The following RNF144A variants were observed in gnomAD, a reference collection of about 807,000 sequenced individuals.
The protein encoded by RNF144A is E3 ubiquitin-protein ligase RNF144A.
RNF144A carries 11 observed loss-of-function variants against 38.7 expected under a neutral mutation model. The observed-to-expected ratio is 0.28, with a 90% CI of 0.18 to 0.47. The LOEUF (loss-of-function observed/expected upper bound fraction) is 0.47, where lower values mean the gene tolerates loss of function less well. Ranked by LOEUF, RNF144A falls within the 20% of genes least tolerant of loss-of-function variation. The probability of loss-of-function intolerance (pLI) is 0.99; values close to 1 mark genes in which losing one functional copy is unlikely to be tolerated. For missense variants in RNF144A, 316 were observed against 377.2 expected (o/e 0.84, Z 1.34); for synonymous variants, 149 against 143.9 (o/e 1.04, Z -0.25).
intron 6 of RNF144A, chr2:7,068,186 AG>A (rs1302321349): frequency 1.8e-6 from 2 of 1,129,052 alleles, no homozygotes; most frequent in South Asian, 2.6e-5. Flanking sequence ...TGCTTTAACA[AG>A]TATCAGTGAG....
intron 1 of RNF144A, among the ~76,000 whole-genome samples, chr2:6,937,137 C>A (rs374947284): frequency 1.3e-5 from 2 of 152,134 alleles, no homozygotes; most frequent in African/African-American, 4.8e-5. Flanking sequence ...CACTCCATAC[C>A]GGTGTGGCTT....
At chr2:6,980,242 A>G (rs1056688963) in intron 2 of RNF144A, among the ~76,000 whole-genome samples, 1 of 152,196 alleles carries the variant, frequency 6.6e-6, no homozygotes, top group African/African-American at 2.4e-5. Flanking sequence ...TTTCAAAACC[A>G]ATCATGCTCT....
intron 1 of RNF144A, among the ~76,000 whole-genome samples, chr2:6,932,508 A>G (rs1044752288): frequency 6.6e-6 from 1 of 152,174 alleles, no homozygotes; most frequent in South Asian, 2.1e-4. Flanking sequence ...ACAAAATTAC[A>G]TAGCCAAAGG....
At position 6,944,327 on chromosome 2, in the gene RNF144A, G is replaced by A. The variant is rs1405255561; in HGVS notation, c.-12+3180G>A. ...GTTCCAGTGTTCCTCCCAAAGGCTC[G>A]GCTTCTCAGTCATCCTGTCTCACGT... On this transcript the variant is annotated intron_variant, in intron 2 of 8. Coordinates refer to ENST00000320892, the MANE Select transcript of RNF144A (RefSeq NM_014746.6). The surrounding 1 kb of genome is among the most constrained non-coding windows in gnomAD (Gnocchi z 4.7). Among the ~76,000 whole-genome samples, 2 of 152,120 alleles carry A rather than the reference G, an allele frequency of 1.3e-5. No individual in the cohort carries two copies. The highest frequency in any genetic ancestry group is 2.9e-5 in the Non-Finnish European group (2 of 68,020).
At chr2:6,960,979 C>T (rs763878906) in intron 2 of RNF144A, among the ~76,000 whole-genome samples, 2 of 151,842 alleles carry the variant, frequency 1.3e-5, no homozygotes, top group Admixed American at 6.6e-5. Context: ...TGTGTGTGTA[C>T]GTGTGTGTGT....
intron 2 of RNF144A, among the ~76,000 whole-genome samples, chr2:6,946,398 C>G (rs1666345572): frequency 6.6e-6 from 1 of 152,052 alleles, no homozygotes; most frequent in African/African-American, 2.4e-5. Flanking sequence ...TTAAACCTGA[C>G]CTTACTGATT....
rs1006586905 is a variant in RNF144A at position 6,983,059 on chromosome 2, C to T, written c.-11-13857C>T. Among the ~76,000 whole-genome samples, 11 of 152,270 alleles carry T rather than the reference C, an allele frequency of 7.2e-5. No homozygotes were observed. In the South Asian group the frequency reaches 1.2e-3, roughly 17 times the overall value. ...CTAGAGGTGCTGCAGTTTCCAGGTC[C>T]GTGAATAACTCGTGTGTTCTTCAAT... On this transcript the variant is annotated intron_variant, in intron 2 of 8. Coordinates refer to ENST00000320892, the MANE Select transcript of RNF144A (RefSeq NM_014746.6).
At chr2:7,018,886 T>G (rs1671323752) in intron 5 of RNF144A, among the ~76,000 whole-genome samples, 1 of 151,336 alleles carries the variant, frequency 6.6e-6, no homozygotes, top group Non-Finnish European at 1.5e-5. Context: ...GATTAATTCA[T>G]GCTTAAAAAA....
chr2:7,043,318 A>T lies in RNF144A; in HGVS notation c.*3558A>T, dbSNP rs1222573228. The T allele has an allele frequency of 1.0e-6, 1 of 985,278 alleles. No homozygotes were observed. Among genetic ancestry groups the T allele is most frequent in the East Asian group, 1.1e-4 (1 of 8,822 alleles). 61.0% of individuals were successfully genotyped at this position (985,278 alleles called of 1,614,324 possible). The stretch of plus-strand genomic sequence containing the variant: ...ACTTCAAGATGAGTTTATTGTTTTC[A>T]TTTGTATTGCAAAAGTTAGAAGTCA... On this transcript the variant is annotated 3_prime_UTR_variant, in exon 9 of 9. Transcript: ENST00000320892.
At chr2:7,021,183 C>T (rs3755503) in intron 6 of RNF144A, among the ~76,000 whole-genome samples, 19,359 of 152,206 alleles carry the variant, frequency 0.13, 1,994 homozygotes, top group East Asian at 0.56. Context: ...TGCCGCACCA[C>T]GCTCTGTACT....
At chr2:7,023,130 G>C (rs1378868692) in intron 6 of RNF144A, among the ~76,000 whole-genome samples, 1 of 152,116 alleles carries the variant, frequency 6.6e-6, no homozygotes, top group African/African-American at 2.4e-5. Flanking sequence ...CGCACAGCTA[G>C]GATCTGTCTG....
chr2:7,073,738 T>A, the RNF144A span, among the ~76,000 whole-genome samples: 1 of 152,232 alleles, frequency 6.6e-6, no homozygotes, highest in East Asian at 1.9e-4. Context: ...ACTTATTTAA[T>A]CCTTACATCT....
chr2:6,994,159 C>T (rs1669570516), intron 2 of RNF144A, among the ~76,000 whole-genome samples: 1 of 152,170 alleles, frequency 6.6e-6, no homozygotes, highest in African/African-American at 2.4e-5. Context: ...CCCGACAGAA[C>T]TTGTACCCAG....
At chr2:6,984,962 T>C (rs1287360879) in intron 2 of RNF144A, among the ~76,000 whole-genome samples, 1 of 152,252 alleles carries the variant, frequency 6.6e-6, no homozygotes. Flanking sequence ...GCAGCTGTTA[T>C]CACCCCATAG....
chr2:7,074,135 A>G, the RNF144A span, among the ~76,000 whole-genome samples: 1 of 152,204 alleles, frequency 6.6e-6, no homozygotes, highest in African/African-American at 2.4e-5. Context: ...AACACATTAA[A>G]TCACAATGAC....
chr2:6,972,698 AC>A (rs1176212763), intron 2 of RNF144A, among the ~76,000 whole-genome samples: 1 of 152,088 alleles, frequency 6.6e-6, no homozygotes, highest in Non-Finnish European at 1.5e-5. Context: ...GTTGTGTTCC[AC>A]CCTGGGGGTG....
intron 3 of RNF144A, among the ~76,000 whole-genome samples, chr2:7,011,242 C>T (rs1044623994): frequency 7.2e-5 from 11 of 152,188 alleles, no homozygotes; most frequent in Non-Finnish European, 1.5e-4. Flanking sequence ...GCGTATTCAT[C>T]ATCTCACATA....
At chr2:7,026,297 A>C (rs425247) in intron 7 of RNF144A, among the ~76,000 whole-genome samples, 44,696 of 151,960 alleles carry the variant, frequency 0.29, 7,511 homozygotes, top group Middle Eastern at 0.39. Flanking sequence ...TGCAGCTGAC[A>C]ACATCTGGGT....
At chr2:6,953,285 G>A (rs929615664) in intron 2 of RNF144A, among the ~76,000 whole-genome samples, 5 of 151,932 alleles carry the variant, frequency 3.3e-5, no homozygotes, top group South Asian at 2.1e-4. Context: ...AAAAATTAGA[G>A]CGGCATGGTG....
Sources: allele counts gnomAD v4.1 joint callset (sites outside exome capture counted in the v4.1 genomes callset), GRCh38; gene constraint gnomAD v4.1.1; non-coding constraint Gnocchi (gnomAD v3.1); transcripts MANE v1.5; gene names NCBI Gene and HGNC (gene_info 2026-07-23, HGNC 2026-07-21).